Variants in STARD13 observed in about 807,000 individuals in gnomAD.
The protein encoded by STARD13 is stAR-related lipid transfer protein 13.
STARD13 carries 62 observed loss-of-function variants against 106.4 expected under a neutral mutation model. That is an observed-to-expected ratio of 0.58 (90% CI 0.48 to 0.72). The LOEUF (loss-of-function observed/expected upper bound fraction) is 0.72. STARD13 is among the 30% of genes least tolerant of loss of function. The pLI is 0.00. For synonymous variants in STARD13, 565 were observed against 553.0 expected (o/e 1.02, Z -0.31); for missense variants, 1,387 against 1,424.0 (o/e 0.97, Z 0.42).
the STARD13 span, among the ~76,000 whole-genome samples, chr13:33,372,848 C>T: frequency 3.3e-5 from 5 of 151,926 alleles, no homozygotes; most frequent in African/African-American, 1.2e-4. Context: ...AAATAAATAA[C>T]TTACTATCCT....
chr13:33,324,641 C>T (rs1893674666), intron 1 of STARD13, among the ~76,000 whole-genome samples: 2 of 152,130 alleles, frequency 1.3e-5, no homozygotes, highest in South Asian at 2.1e-4. Context: ...TTTTCTATCC[C>T]CCCAATGGAC....
rs144827568 is a variant in STARD13 at position 33,165,764 on chromosome 13, C to T, written c.242-346G>A. Among the ~76,000 whole-genome samples the T allele has an allele frequency of 4.2e-4, 64 of 152,250 alleles. No individual in the cohort carries two copies. In the East Asian group the frequency reaches 0.012, roughly 28 times the overall value. The stretch of plus-strand genomic sequence containing the variant: ...ATCCACCTAACACGTAGGTCACTGG[C>T]GTCTATCTTGATGGTTTCACGAAAT... On this transcript the variant is annotated intron_variant, in intron 2 of 13. Coordinates refer to ENST00000336934, the MANE Select transcript of STARD13 (RefSeq NM_178006.4).
intron 3 of STARD13, among the ~76,000 whole-genome samples, chr13:33,143,377 T>C (rs940357571): frequency 2.6e-5 from 4 of 151,826 alleles, no homozygotes; most frequent in Non-Finnish European, 5.9e-5. Flanking sequence ...TAGAATTATA[T>C]AGTATGTATT....
the STARD13 span, among the ~76,000 whole-genome samples, chr13:33,617,045 A>C: frequency 2.0e-5 from 3 of 152,238 alleles, no homozygotes; most frequent in African/African-American, 7.2e-5. Context: ...TATTAGTGCC[A>C]TTAGCGTGGT....
In STARD13 at chr13:33,105,324, C is replaced by G; in HGVS notation, c.*269G>C. 1 of 391,780 alleles carries G rather than the reference C, an allele frequency of 2.6e-6. No homozygotes were observed. The highest frequency in any genetic ancestry group is 4.6e-6 in the Non-Finnish European group (1 of 215,842). The allele number at this position is 391,780 out of a possible 1,614,324, so 24.3% of individuals were successfully genotyped here. ...TTTAAATAGCAAATTAGGCAATGCA[C>G]AAGGAATAGTCCATTTAATTTTAAG... On this transcript the variant is annotated 3_prime_UTR_variant, in exon 14 of 14. Coordinates refer to ENST00000336934, the MANE Select transcript of STARD13 (RefSeq NM_178006.4).
chr13:33,554,505 T>C, the STARD13 span, among the ~76,000 whole-genome samples: 2 of 152,220 alleles, frequency 1.3e-5, no homozygotes, highest in Non-Finnish European at 2.9e-5. Flanking sequence ...ATTATTATGA[T>C]AGTTACATGA....
At chr13:33,387,987 C>T in the STARD13 span, among the ~76,000 whole-genome samples, 2 of 152,144 alleles carry the variant, frequency 1.3e-5, no homozygotes, top group South Asian at 2.1e-4. Flanking sequence ...GGTGGTCTTT[C>T]CTCTGTAAGC....
chr13:33,609,298 TA>T, the STARD13 span, among the ~76,000 whole-genome samples: 2 of 152,042 alleles, frequency 1.3e-5, no homozygotes, highest in African/African-American at 4.8e-5. Flanking sequence ...ATACGCAGCT[TA>T]AGCAAAAAGC....
At chr13:33,633,420 C>G in the STARD13 span, among the ~76,000 whole-genome samples, 1 of 152,132 alleles carries the variant, frequency 6.6e-6, no homozygotes, top group Non-Finnish European at 1.5e-5. Flanking sequence ...ATACTGGCCT[C>G]TAAAGATATA....
chr13:33,150,223 T>C (rs1385067823), intron 3 of STARD13, among the ~76,000 whole-genome samples: 1 of 152,230 alleles, frequency 6.6e-6, no homozygotes, highest in Non-Finnish European at 1.5e-5. Context: ...CAATAGACCT[T>C]GTATAGTCAG....
intron 1 of STARD13, among the ~76,000 whole-genome samples, chr13:33,270,972 T>G (rs1891130567): frequency 6.6e-6 from 1 of 152,054 alleles, no homozygotes; most frequent in African/African-American, 2.4e-5. Flanking sequence ...ACAAGCAGAG[T>G]CAGTTCATCA....
At chr13:33,411,198 T>C in the STARD13 span, among the ~76,000 whole-genome samples, 1 of 152,302 alleles carries the variant, frequency 6.6e-6, no homozygotes, top group Middle Eastern at 3.4e-3. Context: ...AAATTAAATT[T>C]AGAAAATTCC....
the STARD13 span, among the ~76,000 whole-genome samples, chr13:33,384,590 A>T: frequency 1.3e-5 from 2 of 152,346 alleles, no homozygotes. Context: ...ACAACAGTGA[A>T]TTAGCATAAA....
chr13:33,253,913 C>T (rs1207618881), intron 1 of STARD13, among the ~76,000 whole-genome samples: 1 of 152,208 alleles, frequency 6.6e-6, no homozygotes, highest in African/African-American at 2.4e-5. Context: ...TTTCAACAGG[C>T]CTGCCACAGA....
the STARD13 span, among the ~76,000 whole-genome samples, chr13:33,655,892 A>G: frequency 6.6e-6 from 1 of 152,166 alleles, no homozygotes; most frequent in African/African-American, 2.4e-5. Context: ...GACCCCAGAG[A>G]AACTTGCAAG....
chr13:33,515,756 G>A, the STARD13 span, among the ~76,000 whole-genome samples: 3 of 152,080 alleles, frequency 2.0e-5, no homozygotes, highest in African/African-American at 7.2e-5. Flanking sequence ...ACTAATTATT[G>A]AGCAGTACAT....
chr13:33,497,184 C>T, the STARD13 span, among the ~76,000 whole-genome samples: 1 of 152,034 alleles, frequency 6.6e-6, no homozygotes, highest in Non-Finnish European at 1.5e-5. Flanking sequence ...AATTACCATC[C>T]TGAAAAAAAT....
At chr13:33,256,235 G>T (rs1393346904) in intron 1 of STARD13, among the ~76,000 whole-genome samples, 1 of 152,202 alleles carries the variant, frequency 6.6e-6, no homozygotes, top group Non-Finnish European at 1.5e-5. Context: ...TGGGAACTAA[G>T]AAATGATCCT....
the STARD13 span, among the ~76,000 whole-genome samples, chr13:33,361,834 C>T: frequency 6.6e-6 from 1 of 152,136 alleles, no homozygotes; most frequent in East Asian, 1.9e-4. Flanking sequence ...ACCAGGTACC[C>T]CCTAACACTG....
Sources: allele counts gnomAD v4.1 joint callset (sites outside exome capture counted in the v4.1 genomes callset), GRCh38; gene constraint gnomAD v4.1.1; transcripts MANE v1.5; gene names NCBI Gene and HGNC (gene_info 2026-07-23, HGNC 2026-07-21).